The following KIAA1549 variants were observed in gnomAD, a reference collection of about 807,000 sequenced individuals.
KIAA1549 encodes KIAA1549.
In KIAA1549, 70 loss-of-function variants were observed where a neutral mutation model predicts 156.4. The observed-to-expected ratio is 0.45, with a 90% CI of 0.37 to 0.55. The LOEUF (loss-of-function observed/expected upper bound fraction) is 0.55. Among genes scored for constraint, KIAA1549 ranks in the 20% least tolerant of loss-of-function variants. The probability of loss-of-function intolerance (pLI) is 0.00; values close to 1 mark genes in which losing one functional copy is unlikely to be tolerated. For synonymous variants in KIAA1549, 1,103 were observed against 1,066.4 expected, an observed-to-expected ratio of 1.03 and a Z score of -0.67; for missense variants, 2,428 against 2,540.9, an observed-to-expected ratio of 0.96 and a Z score of 0.96.
At chr7:138,951,321 C>A (rs538171251) in intron 1 of KIAA1549, among the ~76,000 whole-genome samples, 22 of 152,208 alleles carry the variant, frequency 1.4e-4, no homozygotes, top group African/African-American at 4.8e-4. Flanking sequence ...GTCTTCGCCT[C>A]TCCCACTTCT....
intron 1 of KIAA1549, among the ~76,000 whole-genome samples, chr7:138,979,859 G>C (rs934556307): frequency 6.6e-6 from 1 of 152,208 alleles, no homozygotes; most frequent in African/African-American, 2.4e-5. Context: ...CCAAGAGCGG[G>C]GGTGGGAGGC....
intron 2 of KIAA1549, among the ~76,000 whole-genome samples, chr7:138,915,389 C>G (rs1336364066): frequency 6.6e-6 from 1 of 152,070 alleles, no homozygotes; most frequent in Non-Finnish European, 1.5e-5. Flanking sequence ...GCACCTCACA[C>G]ATACTAGGTG....
At chr7:138,939,692 G>C (rs1813117873) in intron 1 of KIAA1549, among the ~76,000 whole-genome samples, 1 of 152,198 alleles carries the variant, frequency 6.6e-6, no homozygotes, top group East Asian at 1.9e-4. Context: ...TCTATTCTGA[G>C]TGATACTAAA....
At chr7:138,968,490 G>T (rs970255156) in intron 1 of KIAA1549, among the ~76,000 whole-genome samples, 1 of 152,156 alleles carries the variant, frequency 6.6e-6, no homozygotes, top group Non-Finnish European at 1.5e-5. Flanking sequence ...CTAGAGGTCA[G>T]ATAGTCAACA....
intron 1 of KIAA1549, among the ~76,000 whole-genome samples, chr7:138,965,104 G>C (rs1213599513): frequency 3.3e-5 from 5 of 151,966 alleles, no homozygotes; most frequent in African/African-American, 1.2e-4. Flanking sequence ...CAGGAGCAGA[G>C]GAATTACGGA....
At chr7:138,862,927 T>C (rs1810630216) in intron 15 of KIAA1549, among the ~76,000 whole-genome samples, 1 of 152,042 alleles carries the variant, frequency 6.6e-6, no homozygotes, top group South Asian at 2.1e-4. Context: ...TGAAACTCTA[T>C]CTCAAAAGAA....
rs1296363701 is a variant in KIAA1549, at chr7:138,844,356, G to T, written c.5413C>A (p.Pro1805Thr). The T allele has an allele frequency of 1.2e-6, 2 of 1,613,848 alleles. No homozygotes were observed. Among genetic ancestry groups the T allele is most frequent in the South Asian group, 1.1e-5 (1 of 91,068 alleles). ...ACAGGCCGAGGCCGGGCCACCGACG[G>T]CATCTCCTCCGAGTAGATCCCTCTG... ...AARGIYSEEM[P>T]SVARPRPVGG... is the part of the protein sequence containing the mutation. Residue 1805 changes from proline to threonine, a missense_variant, in exon 18 of 20, where the codon CCG (proline) becomes ACG (threonine). Coordinates refer to ENST00000422774, the MANE Select transcript of KIAA1549 (RefSeq NM_001164665.2).
At chr7:138,924,267 C>T (rs1812650041) in intron 1 of KIAA1549, among the ~76,000 whole-genome samples, 2 of 148,576 alleles carry the variant, frequency 1.3e-5, no homozygotes, top group South Asian at 2.1e-4. Context: ...AATAAAATCA[C>T]GGTTCTGTCA....
intron 4 of KIAA1549, among the ~76,000 whole-genome samples, chr7:138,910,926 G>C (rs1438717194): frequency 6.6e-6 from 1 of 151,924 alleles, no homozygotes; most frequent in African/African-American, 2.4e-5. Flanking sequence ...TAACTACTCA[G>C]GAGGCTGAGG....
chr7:138,981,108 C>T lies in KIAA1549; in HGVS notation c.162G>A (p.Leu54=). The T allele has an allele frequency of 8.2e-7, 1 of 1,212,726 alleles. No individual in the cohort carries two copies. The highest frequency in any genetic ancestry group is 1.0e-6 in the Non-Finnish European group (1 of 974,772). The allele number at this position is 1,212,726 out of a possible 1,614,324, so 75.1% of individuals were successfully genotyped here. A position where few individuals can be genotyped will look rare whatever the true frequency, so the allele number is the denominator to read the frequency against. ...CTGGGGCGCACGAGGCCGGCCGGGC[C>T]AGCAGCAGCAGCCAGAGGCCAGGAA... ...LLLPGLWLLL[L]ARPASCAPDE... The change falls in exon 1 of 20, where the codon CTG becomes CTA. Residue 54 remains leucine (L), a synonymous_variant. Transcript: ENST00000422774. This position sits in a 1 kb window ranked among gnomAD's most constrained non-coding sequence, Gnocchi z 4.5.
chr7:138,894,991 C>T (rs1310530077), intron 9 of KIAA1549, among the ~76,000 whole-genome samples: 1 of 152,216 alleles, frequency 6.6e-6, no homozygotes, highest in Non-Finnish European at 1.5e-5. Context: ...TCCTAGATCA[C>T]ATAAAGCACA....
At chr7:138,852,160 A>C in intron 17 of KIAA1549, 63 bp downstream of exon 17, 1 of 1,149,366 alleles carries the variant, frequency 8.7e-7, no homozygotes, top group Non-Finnish European at 1.3e-6. Context: ...TAGTGAGTTT[A>C]TAAAGTTTTT....
At chr7:138,901,110 C>T (rs1811829008) in intron 8 of KIAA1549, among the ~76,000 whole-genome samples, 1 of 152,070 alleles carries the variant, frequency 6.6e-6, no homozygotes, top group South Asian at 2.1e-4. Flanking sequence ...ATTTTCTGAG[C>T]AAAATCACAT....
chr7:138,861,415 C>A lies in KIAA1549; in HGVS notation c.4971G>T (p.Ser1657=), dbSNP rs758091343. The stretch of plus-strand genomic sequence containing the variant: ...GGGCTGGATACCTCCCCAGTTCCAC[C>A]GAGGATGGTGTCTGCACATCGGCTG... ...DLPADVQTPS[S]VELGRYPALP... is the part of the protein sequence containing the mutation. Residue 1657 remains serine, a synonymous_variant, in exon 16 of 20, where the codon TCG becomes TCT. Coordinates refer to ENST00000422774, the MANE Select transcript of KIAA1549 (RefSeq NM_001164665.2). 2 of 1,612,162 alleles carry A rather than the reference C, an allele frequency of 1.2e-6. No individual in the cohort carries two copies. The highest frequency in any genetic ancestry group is 2.7e-5 in the African/African-American group (2 of 74,978).
At chr7:138,972,575 T>C (rs575619942) in intron 1 of KIAA1549, among the ~76,000 whole-genome samples, 3 of 152,100 alleles carry the variant, frequency 2.0e-5, no homozygotes, top group African/African-American at 7.2e-5. Flanking sequence ...CCAGACACAC[T>C]GGAACGTCAA....
In KIAA1549 at chr7:138,917,174, G is replaced by C. The variant is rs574721519; in HGVS notation, c.2452C>G (p.Leu818Val). 3.7e-6 allele frequency: 6 copies of C among 1,613,944 alleles called. No homozygotes were observed. In the South Asian group the frequency reaches 6.6e-5, roughly 18 times the overall value. ...GCCAGGACAGACACGTGACCGTCTA[G>C]AGCACTGATTTGGTCGTCAGGAGGT... ...LTPPDDQISA[L>V]DGHVSVLASF... is the part of the protein sequence containing the mutation. The change falls in exon 2 of 20, where the codon CTA (leucine) becomes GTA (valine). Residue 818 changes from leucine (L) to valine (V), a missense_variant. Coordinates refer to ENST00000422774, the MANE Select transcript of KIAA1549 (RefSeq NM_001164665.2).
Position 138,894,329 on chromosome 7 carries a change from G to A in KIAA1549, c.4032+13C>T. ...TGCTTATAGGAACACTGGGGGAAGA[G>A]GCTGCCCGTTACCTTCTGACGCTGC... is the stretch of plus-strand genomic sequence containing the variant. On this transcript the variant is annotated intron_variant, in intron 10 of 19. Transcript: ENST00000422774. 1.2e-6 allele frequency: 2 copies of A among 1,613,450 alleles called. No homozygotes were observed. Among genetic ancestry groups the A allele is most frequent in the Non-Finnish European group, 8.5e-7 (1 of 1,179,458 alleles).
In KIAA1549 at chr7:138,881,311, G is replaced by A. The variant is rs1037740186; in HGVS notation, c.4229+77C>T. ...AGGGCTGCGCTCACCATCAGCCCCT[G>A]TGACATCAGAAACTCACAGCCTGAT... On this transcript the variant is annotated intron_variant, in intron 11 of 19. Transcript: ENST00000422774. 2.3e-5 allele frequency: 33 copies of A among 1,432,298 alleles called. 1 individual carries two copies. In the Admixed American group the frequency reaches 6.0e-4, roughly 26 times the overall value. 88.7% of individuals were successfully genotyped at this position (1,432,298 alleles called of 1,614,324 possible).
At chr7:138,942,959 A>T (rs1329685865) in intron 1 of KIAA1549, among the ~76,000 whole-genome samples, 3 of 151,748 alleles carry the variant, frequency 2.0e-5, no homozygotes, top group African/African-American at 7.3e-5. Flanking sequence ...AGAAAATTCA[A>T]GCAACAAACA....
Sources: allele counts gnomAD v4.1 joint callset (sites outside exome capture counted in the v4.1 genomes callset), GRCh38; gene constraint gnomAD v4.1.1; non-coding constraint Gnocchi (gnomAD v3.1); transcripts MANE v1.5; gene names NCBI Gene and HGNC (gene_info 2026-07-23, HGNC 2026-07-21).